The following PIEZO2 variants were observed in gnomAD, a reference collection of about 807,000 sequenced individuals.
PIEZO2 encodes the protein piezo type mechanosensitive ion channel component 2.
In PIEZO2, 172 loss-of-function variants were observed where a neutral mutation model predicts 337.3. The observed-to-expected ratio is 0.51, with a 90% CI of 0.45 to 0.58. The LOEUF (loss-of-function observed/expected upper bound fraction) is 0.58. PIEZO2 is among the 20% of genes least tolerant of loss of function. The pLI is 0.00. For synonymous variants in PIEZO2, 1,251 were observed against 1,228.5 expected (o/e 1.02, Z -0.38); for missense variants, 3,028 against 3,391.3 (o/e 0.89, Z 2.66).
chr18:11,025,267 T>A (rs1205678499), intron 2 of PIEZO2, among the ~76,000 whole-genome samples: 2 of 152,176 alleles, frequency 1.3e-5, no homozygotes, highest in African/African-American at 2.4e-5. Context: ...GGAAACAGTG[T>A]CTTTTACAAA....
chr18:10,820,785 G>T (rs2040499111), intron 7 of PIEZO2, among the ~76,000 whole-genome samples: 1 of 152,114 alleles, frequency 6.6e-6, no homozygotes, highest in South Asian at 2.1e-4. Flanking sequence ...TAAGTTACTT[G>T]CATCAGCTTT....
At chr18:10,710,356 G>A (rs73943376) in intron 39 of PIEZO2, among the ~76,000 whole-genome samples, 2,108 of 152,234 alleles carry the variant, frequency 0.014, 57 homozygotes, top group African/African-American at 0.047. Context: ...GGCCCAAGGG[G>A]ACGGCTGCCA....
intron 1 of PIEZO2, among the ~76,000 whole-genome samples, chr18:11,134,352 CT>C (rs1382319017): frequency 6.6e-6 from 1 of 152,160 alleles, no homozygotes; most frequent in Non-Finnish European, 1.5e-5. Flanking sequence ...TTTTTGGCCA[CT>C]TTGTTTTTCT....
At position 10,795,316 on chromosome 18, in the gene PIEZO2, ATTTTATTT is replaced by A. The variant is rs1375460674; in HGVS notation, c.1528-322_1528-315del. Among the ~76,000 whole-genome samples the A allele has an allele frequency of 9.9e-5, 9 of 91,138 alleles. No individual in the cohort carries two copies. Among genetic ancestry groups the A allele is most frequent in the East Asian group, 5.6e-4 (1 of 1,798 alleles). The allele number at this position is 91,138 out of a possible 152,430, so 59.8% of individuals were successfully genotyped here. ...TAAGTAGCAAAATGTGTATTCAAAT[ATTTTATTT>A]TATTTTATTTTATTTTATTTTATTT... On this transcript the variant is annotated intron_variant, in intron 12 of 55. Transcript: ENST00000674853. This position sits in a 1 kb window ranked among gnomAD's most constrained non-coding sequence, Gnocchi z 4.4.
chr18:10,926,184 C>T (rs1202255957), intron 3 of PIEZO2, among the ~76,000 whole-genome samples: 2 of 152,192 alleles, frequency 1.3e-5, no homozygotes, highest in South Asian at 2.1e-4. Flanking sequence ...GGGCTTGGCC[C>T]TCAGGGGCAT....
chr18:11,069,498 AACAAATTAC>A lies in PIEZO2; in HGVS notation c.65-3285_65-3277del, dbSNP rs1377608867. 6.6e-6 allele frequency among the ~76,000 whole-genome samples: 1 copy of A among 152,236 alleles called. No individual in the cohort carries two copies. Among genetic ancestry groups the A allele is most frequent in the East Asian group, 1.9e-4 (1 of 5,204 alleles). ...AACACCCTTCATGGTAAAAATTCTC[AACAAATTAC>A]ATATAGAAGAAATGGACTTCAACAC... is the stretch of plus-strand genomic sequence containing the variant. On this transcript the variant is annotated intron_variant, in intron 1 of 55. Coordinates refer to ENST00000674853, the MANE Select transcript of PIEZO2 (RefSeq NM_001378183.1). The surrounding 1 kb of genome is among the most constrained non-coding windows in gnomAD (Gnocchi z 4.9).
Position 10,741,027 on chromosome 18 carries a change from C to G in PIEZO2, c.4708+4G>C, listed in dbSNP as rs1236362662. The G allele has an allele frequency of 2.0e-6, 3 of 1,537,172 alleles. No homozygotes were observed. The highest frequency in any genetic ancestry group is 2.6e-6 in the Non-Finnish European group (3 of 1,146,874). ...GAGGTTGTAAGGGGATCGAGAAAAC[C>G]TACTGGAAGCATGATCAACCCAAGG... On this transcript the variant is annotated splice_donor_region_variant and intron_variant, in intron 33 of 55. Transcript: ENST00000674853.
chr18:10,961,459 T>G (rs1045622879), intron 3 of PIEZO2, among the ~76,000 whole-genome samples: 2 of 152,172 alleles, frequency 1.3e-5, no homozygotes, highest in Non-Finnish European at 2.9e-5. Flanking sequence ...TATGGTGCAG[T>G]GTATACTGCT....
intron 18 of PIEZO2, among the ~76,000 whole-genome samples, chr18:10,778,426 A>G (rs1346714986): frequency 7.0e-6 from 1 of 143,624 alleles, no homozygotes; most frequent in Non-Finnish European, 1.5e-5. Flanking sequence ...TCTGCCTCCC[A>G]GGTTCACGCC....
intron 2 of PIEZO2, among the ~76,000 whole-genome samples, chr18:11,018,605 G>A (rs979315241): frequency 5.9e-5 from 9 of 152,130 alleles, no homozygotes; most frequent in Non-Finnish European, 1.2e-4. Context: ...ACACTACTGT[G>A]AACACACATG....
rs544540997 is a variant in PIEZO2, at chr18:10,862,522, G to A, written c.493-5311C>T. Among the ~76,000 whole-genome samples the A allele has an allele frequency of 3.9e-5, 6 of 152,240 alleles. No individual in the cohort carries two copies. The highest frequency in any genetic ancestry group is 1.4e-4 in the African/African-American group (6 of 41,558). Reference sequence around the variant, plus strand: ...TCCATTAAGCCGTGGCATCCACCATGATTTCCACTCAATTTTGGACAAAGA... The same window carrying A: ...TCCATTAAGCCGTGGCATCCACCATAATTTCCACTCAATTTTGGACAAAGA... On this transcript the variant is annotated intron_variant, in intron 5 of 55. Transcript: ENST00000674853. The surrounding 1 kb of genome is among the most constrained non-coding windows in gnomAD (Gnocchi z 4.4).
intron 36 of PIEZO2, among the ~76,000 whole-genome samples, chr18:10,719,082 GATTTC>G (rs1423523249): frequency 6.6e-6 from 1 of 151,886 alleles, no homozygotes; most frequent in Non-Finnish European, 1.5e-5. Context: ...GACATTATAG[GATTTC>G]ATTTCATTTC....
At position 10,767,651 on chromosome 18, in the gene PIEZO2, A is replaced by C. The variant is rs1032546690; in HGVS notation, c.2946+2497T>G. 1.3e-5 allele frequency among the ~76,000 whole-genome samples: 2 copies of C among 152,142 alleles called. No individual in the cohort carries two copies. Among genetic ancestry groups the C allele is most frequent in the African/African-American group, 4.8e-5 (2 of 41,422 alleles). ...GAAGAGCTCTGGTTACAGGGTGCAG[A>C]GTCTCTTTGCTGGGCTCCATGTGTA... On this transcript the variant is annotated intron_variant, in intron 21 of 55. Coordinates refer to ENST00000674853, the MANE Select transcript of PIEZO2 (RefSeq NM_001378183.1). The surrounding 1 kb of genome is among the most constrained non-coding windows in gnomAD (Gnocchi z 4.2).
chr18:11,041,804 T>C (rs1194074332), intron 2 of PIEZO2, among the ~76,000 whole-genome samples: 1 of 152,208 alleles, frequency 6.6e-6, no homozygotes, highest in Non-Finnish European at 1.5e-5. Flanking sequence ...TACTACCTCT[T>C]TATTGAAATC....
At chr18:10,753,288 A>G (rs2037714669) in intron 27 of PIEZO2, among the ~76,000 whole-genome samples, 1 of 152,182 alleles carries the variant, frequency 6.6e-6, no homozygotes, top group South Asian at 2.1e-4. Context: ...ATTTATGTTG[A>G]ACACAAAGCT....
intron 2 of PIEZO2, among the ~76,000 whole-genome samples, chr18:10,992,018 T>C (rs2625361): frequency 0.4 from 60,452 of 152,108 alleles, 12,957 homozygotes; most frequent in Non-Finnish European, 0.49. Context: ...ATTAGATGCA[T>C]AAATGTCTTC....
chr18:10,856,425 A>T lies in PIEZO2; in HGVS notation c.703+576T>A, dbSNP rs1421021688. ...GAGTCTACTCTAATACGCCTCCCAT[A>T]GCTCCGGGGCAGTGGTGAGCAGTGG... On this transcript the variant is annotated intron_variant, in intron 6 of 55. Coordinates refer to ENST00000674853, the MANE Select transcript of PIEZO2 (RefSeq NM_001378183.1). The surrounding 1 kb of genome is among the most constrained non-coding windows in gnomAD (Gnocchi z 4.7). Among the ~76,000 whole-genome samples, 2 of 152,142 alleles carry T rather than the reference A, an allele frequency of 1.3e-5. No homozygotes were observed. Among genetic ancestry groups the T allele is most frequent in the Admixed American group, 6.5e-5 (1 of 15,274 alleles).
chr18:10,790,947 G>A (rs2039390739), intron 14 of PIEZO2, among the ~76,000 whole-genome samples: 1 of 152,088 alleles, frequency 6.6e-6, no homozygotes, highest in Non-Finnish European at 1.5e-5. Context: ...CTCGGGATCC[G>A]CCCACCTCGG....
intron 11 of PIEZO2, 93 bp downstream of exon 11, chr18:10,800,243 TA>T (rs1568072506): frequency 6.9e-7 from 1 of 1,449,264 alleles, no homozygotes; most frequent in Non-Finnish European, 9.1e-7. Context: ...ATACAGTTTT[TA>T]AAAAAATAAA....
Sources: gnomAD v4.1 joint callset for allele counts (sites outside exome capture counted in the v4.1 genomes callset) on GRCh38, gnomAD v4.1.1 for gene constraint, Gnocchi (gnomAD v3.1) non-coding constraint, MANE v1.5 for transcripts, NCBI Gene and HGNC (gene_info 2026-07-23, HGNC 2026-07-21) for gene names.